Variants in PABPC4 observed in about 807,000 individuals in gnomAD.
PABPC4 encodes the protein polyadenylate-binding protein 4.
Under a neutral mutation model 74.5 loss-of-function variants are expected in PABPC4, and 15 were observed. The ratio of observed to expected loss-of-function variants is 0.20; its 90% CI spans 0.13 to 0.31. PABPC4 has a LOEUF of 0.31. Ranked by LOEUF, PABPC4 falls within the 10% of genes least tolerant of loss-of-function variation. The probability of loss-of-function intolerance (pLI) is 1.00; values close to 1 mark genes in which losing one functional copy is unlikely to be tolerated. For synonymous variants in PABPC4, 345 were observed against 303.0 expected (o/e 1.14, Z -1.44); for missense variants, 610 against 853.5 (o/e 0.71, Z 3.55).
intron 2 of PABPC4, 168 bp from the exon 3 acceptor site, chr1:39,571,517 A>T: frequency 4.5e-6 from 3 of 665,644 alleles, no homozygotes; most frequent in Non-Finnish European, 7.8e-6. Context: ...GTGCCTAGTA[A>T]GTGTTCCATT....
chr1:39,563,699 A>ACAGCAGCGC lies in PABPC4; in HGVS notation c.1574_1582dup (p.Ala527_Val528insGlyAlaAla). The ACAGCAGCGC allele has an allele frequency of 1.2e-6, 2 of 1,614,230 alleles. No individual in the cohort carries two copies. Among genetic ancestry groups the ACAGCAGCGC allele is most frequent in the Non-Finnish European group, 1.7e-6 (2 of 1,180,028 alleles). ...AACAGCCCGGGGAGCAGCAGCAGCA[A>ACAGCAGCGC]CAGCAGCGCGTGGCGCTAAGTTCTG... On this transcript the variant is annotated inframe_insertion, in exon 12 of 16. Coordinates refer to ENST00000372858, the MANE Select transcript of PABPC4 (RefSeq NM_001135653.2).
At chr1:39,571,449 T>C (rs557138221) in intron 2 of PABPC4, 100 bp from the exon 3 acceptor site, 14 of 1,362,336 alleles carry the variant, frequency 1.0e-5, no homozygotes, top group Middle Eastern at 1.8e-4. Flanking sequence ...AGCCCATCCA[T>C]GGCCAATGGT....
intron 12 of PABPC4, chr1:39,563,084 C>T (rs1341081788): frequency 6.4e-6 from 1 of 155,116 alleles, no homozygotes; most frequent in Non-Finnish European, 1.4e-5. Flanking sequence ...GTGACACCTC[C>T]ACAGCAAATT....
chr1:39,572,581 G>T lies in PABPC4; in HGVS notation c.199C>A (p.Arg67=), dbSNP rs781507663. ...TCAAAGTTCATGGTGTCCAAAGCCC[G>T]CTCAGCTGTAAGAGAGAAACACATT... ...VNFQQPADAE[R]ALDTMNFDVI... is the part of the protein sequence containing the mutation. The change falls in exon 2 of 16, where the codon CGG becomes AGG. Residue 67 remains arginine (R), a synonymous_variant. Coordinates refer to ENST00000372858, the MANE Select transcript of PABPC4 (RefSeq NM_001135653.2). 2.5e-6 allele frequency: 4 copies of T among 1,612,492 alleles called. No homozygotes were observed. The highest frequency in any genetic ancestry group is 3.3e-4 in the Middle Eastern group (2 of 6,054).
At position 39,564,417 on chromosome 1, in the gene PABPC4, G is replaced by C; in HGVS notation, c.1453+6C>G. Reference sequence around the variant, plus strand: ...AGGCCACACTTCTAAAGGCCAGTTTGCTCACCGACTCTCTGAGTGGTAGTA... The same window carrying C: ...AGGCCACACTTCTAAAGGCCAGTTTCCTCACCGACTCTCTGAGTGGTAGTA... On this transcript the variant is annotated splice_donor_region_variant and intron_variant, in intron 10 of 15. Coordinates refer to ENST00000372858, the MANE Select transcript of PABPC4 (RefSeq NM_001135653.2). 6.2e-7 allele frequency: 1 copy of C among 1,613,194 alleles called. No individual in the cohort carries two copies. Among genetic ancestry groups the C allele is most frequent in the African/African-American group, 1.3e-5 (1 of 75,000 alleles).
intron 12 of PABPC4, 105 bp from the exon 13 acceptor site, chr1:39,562,521 G>A (rs1022395769): frequency 1.2e-5 from 10 of 803,750 alleles, no homozygotes; most frequent in Non-Finnish European, 1.8e-5. Context: ...TGAAAGAGGA[G>A]AGGAGGTGGC....
chr1:39,567,920 T>C, intron 6 of PABPC4, 74 bp from the exon 7 acceptor site: 1 of 841,030 alleles, frequency 1.2e-6, no homozygotes, highest in Non-Finnish European at 2.0e-6. Flanking sequence ...TCCCCAAGGG[T>C]GGCCCCAGAC....
Position 39,572,586 on chromosome 1 carries a change from G to A in PABPC4, c.194C>T (p.Ala65Val). Reference sequence around the variant, plus strand: ...GTTCATGGTGTCCAAAGCCCGCTCAGCTGTAAGAGAGAAACACATTTCAAT... The same window carrying A: ...GTTCATGGTGTCCAAAGCCCGCTCAACTGTAAGAGAGAAACACATTTCAAT... ...AYVNFQQPAD[A>V]ERALDTMNFD... Residue 65 changes from alanine (A) to valine (V), a missense_variant and splice_region_variant, in exon 2 of 16, where the codon GCT becomes GTT. This residue lies in a region of PABPC4 where 304 missense variants were observed against 478.9 expected (regional missense o/e 0.63). Coordinates refer to ENST00000372858, the MANE Select transcript of PABPC4 (RefSeq NM_001135653.2). The A allele has an allele frequency of 3.1e-6, 5 of 1,611,092 alleles. No homozygotes were observed. The highest frequency in any genetic ancestry group is 4.2e-6 in the Non-Finnish European group (5 of 1,177,840).
chr1:39,575,705 G>A (rs1408469505), intron 1 of PABPC4, 54 bp downstream of exon 1: 4 of 1,407,886 alleles, frequency 2.8e-6, no homozygotes, highest in African/African-American at 1.5e-5. Flanking sequence ...GCCAGAAGAC[G>A]ACTCCCGGGG....
chr1:39,572,630 C>G, intron 1 of PABPC4, 44 bp from the exon 2 acceptor site: 1 of 1,486,044 alleles, frequency 6.7e-7, no homozygotes, highest in South Asian at 1.1e-5. Context: ...AAAACGTCAG[C>G]TCCCACAGGC....
At chr1:39,563,373 G>C (rs1177473656) in intron 12 of PABPC4, 2 of 495,092 alleles carry the variant, frequency 4.0e-6, no homozygotes, top group Non-Finnish European at 7.1e-6. Flanking sequence ...ACAAACAGAA[G>C]AGGAAGCACT....
intron 10 of PABPC4, 76 bp downstream of exon 10, chr1:39,564,347 G>C: frequency 6.5e-7 from 1 of 1,542,674 alleles, no homozygotes; most frequent in Non-Finnish European, 8.8e-7. Flanking sequence ...CCAACAAACT[G>C]ACCAACCCAG....
intron 2 of PABPC4, among the ~76,000 whole-genome samples, chr1:39,572,095 G>A (rs974150802): frequency 2.0e-5 from 3 of 152,156 alleles, no homozygotes; most frequent in African/African-American, 2.4e-5. Flanking sequence ...CTCAAGACTA[G>A]AGACACTTCT....
At chr1:39,563,361 G>C (rs140421067) in intron 12 of PABPC4, 1 of 453,670 alleles carries the variant, frequency 2.2e-6, no homozygotes, top group Non-Finnish European at 3.9e-6. Flanking sequence ...ACATTATTTC[G>C]TACAAACAGA....
intron 6 of PABPC4, chr1:39,568,583 T>C (rs1645888175): frequency 2.2e-6 from 1 of 454,608 alleles, no homozygotes; most frequent in Non-Finnish European, 3.8e-6. Flanking sequence ...GCTTCCAAAA[T>C]AGAGAGCTTC....
In PABPC4 at chr1:39,563,883, C is replaced by G; in HGVS notation, c.1493G>C (p.Gly498Ala). The G allele has an allele frequency of 6.2e-7, 1 of 1,614,222 alleles. No homozygotes were observed. The highest frequency in any genetic ancestry group is 1.1e-5 in the South Asian group (1 of 91,086). Residue 498 changes from glycine to alanine, a missense_variant, in exon 11 of 16, where the codon GGG becomes GCG. Transcript: ENST00000372858. ...CAGCCCTTGCTGGGCGGCACCAGCC[C>G]CACCAAAGTCCATAGCCAAGCGGTC... ...CPDRLAMDFGGAGAAQQGLTD... is the reference protein window; with the variant it reads ...CPDRLAMDFGAAGAAQQGLTD...
At chr1:39,571,017 G>T (rs550022442) in intron 3 of PABPC4, 2 of 1,406,736 alleles carry the variant, frequency 1.4e-6, no homozygotes, top group Non-Finnish European at 9.3e-7. Context: ...AGGGAGAGGC[G>T]GCAGGCAGGC....
chr1:39,564,214 C>T, intron 10 of PABPC4: 2 of 645,888 alleles, frequency 3.1e-6, no homozygotes, highest in Admixed American at 3.0e-5. Context: ...ACATAGGTCA[C>T]CGATGAGCAA....
intron 6 of PABPC4, 150 bp downstream of exon 6, chr1:39,568,652 G>GTA: frequency 1.4e-6 from 1 of 702,288 alleles, no homozygotes; most frequent in Non-Finnish European, 2.5e-6. Flanking sequence ...TATGTAGTAG[G>GTA]TATATATCCT....
Sources: gnomAD v4.1 joint callset for allele counts (sites outside exome capture counted in the v4.1 genomes callset) on GRCh38, gnomAD v4.1.1 for gene constraint, gnomAD v4.1.1 regional missense constraint, MANE v1.5 for transcripts, NCBI Gene and HGNC (gene_info 2026-07-23, HGNC 2026-07-21) for gene names.